The following F13A1 variants were observed in gnomAD, a reference collection of about 807,000 sequenced individuals.
F13A1 encodes coagulation factor XIII A chain, also known as FSF, A subunit.
A neutral mutation model predicts 80.1 loss-of-function variants in F13A1; 47 were observed. The observed-to-expected ratio is 0.59, with a 90% CI of 0.46 to 0.75. F13A1 has a LOEUF of 0.75. Ranked by LOEUF, F13A1 falls within the 30% of genes least tolerant of loss-of-function variation. The pLI is 0.00. For missense variants in F13A1, 817 were observed against 930.4 expected (o/e 0.88, Z 1.59); for synonymous variants, 349 against 344.9 (o/e 1.01, Z -0.13).
At chr6:6,317,970 C>G (rs574735838) in intron 2 of F13A1, among the ~76,000 whole-genome samples, 4 of 152,168 alleles carry the variant, frequency 2.6e-5, no homozygotes, top group African/African-American at 9.7e-5. Flanking sequence ...AGGGATCAGG[C>G]AGAGGCAAGA....
chr6:6,248,795 T>A (rs1757590278), intron 5 of F13A1, among the ~76,000 whole-genome samples: 1 of 152,018 alleles, frequency 6.6e-6, no homozygotes, highest in African/African-American at 2.4e-5. Context: ...CAGGCCAGAG[T>A]CTTAGGACCT....
chr6:6,243,482 T>C lies in F13A1; in HGVS notation c.798+4830A>G, dbSNP rs1409940929. 1.3e-5 allele frequency among the ~76,000 whole-genome samples: 2 copies of C among 152,192 alleles called. No individual in the cohort carries two copies. Among genetic ancestry groups the C allele is most frequent in the East Asian group, 3.9e-4 (2 of 5,190 alleles). On this transcript the variant is annotated intron_variant, in intron 6 of 14. Coordinates refer to ENST00000264870, the MANE Select transcript of F13A1 (RefSeq NM_000129.4). The surrounding 1 kb of genome is among the most constrained non-coding windows in gnomAD (Gnocchi z 4.2). ...TAGAATCCTCTGATTGATACCTTTC[T>C]TCACTTATTCCCCATTTTCAATAAT...
chr6:6,254,543 GT>G (rs1273132236), intron 4 of F13A1, among the ~76,000 whole-genome samples: 3 of 152,032 alleles, frequency 2.0e-5, no homozygotes, highest in Non-Finnish European at 4.4e-5. Context: ...CTCTTTTGTG[GT>G]TTTAAAAAAC....
rs781437954 is a variant in F13A1 at position 6,162,019 on chromosome 6, T to C, written c.1908+5439A>G. Reference sequence around the variant, plus strand: ...ACTCCAGTTCCAAGGCTGAGTTGGGTACTTCCTGGAGAAGACAATGCTTTG... The same window carrying C: ...ACTCCAGTTCCAAGGCTGAGTTGGGCACTTCCTGGAGAAGACAATGCTTTG... On this transcript the variant is annotated intron_variant, in intron 13 of 14. Coordinates refer to ENST00000264870, the MANE Select transcript of F13A1 (RefSeq NM_000129.4). The surrounding 1 kb of genome is among the most constrained non-coding windows in gnomAD (Gnocchi z 4.2). Among the ~76,000 whole-genome samples the C allele has an allele frequency of 1.7e-4, 26 of 152,136 alleles. No homozygotes were observed. Among genetic ancestry groups the C allele is most frequent in the Non-Finnish European group, 3.2e-4 (22 of 68,022 alleles).
chr6:6,185,180 G>A (rs1465143623), intron 10 of F13A1, among the ~76,000 whole-genome samples: 2 of 150,496 alleles, frequency 1.3e-5, no homozygotes, highest in East Asian at 3.9e-4. Flanking sequence ...TGCACATTGT[G>A]CAGGTTAGTT....
chr6:6,185,690 A>G (rs1041204195), intron 10 of F13A1, among the ~76,000 whole-genome samples: 3 of 152,056 alleles, frequency 2.0e-5, no homozygotes, highest in African/African-American at 4.8e-5. Context: ...ATATGTGTGC[A>G]TGTGTCTTTA....
At chr6:6,202,969 C>T (rs1761424207) in intron 8 of F13A1, among the ~76,000 whole-genome samples, 1 of 152,196 alleles carries the variant, frequency 6.6e-6, no homozygotes, top group Admixed American at 6.5e-5. Flanking sequence ...TCAGTAAATC[C>T]ATGTGCTTTG....
chr6:6,190,692 G>GC (rs1158163850), intron 10 of F13A1, among the ~76,000 whole-genome samples: 1 of 151,744 alleles, frequency 6.6e-6, no homozygotes, highest in African/African-American at 2.4e-5. Context: ...TCTGTGCCCT[G>GC]CCCCCAGAGG....
rs1163491784 is a variant in F13A1 at position 6,243,744 on chromosome 6, G to A, written c.798+4568C>T. Among the ~76,000 whole-genome samples, 1 of 152,132 alleles carries A rather than the reference G, an allele frequency of 6.6e-6. No individual in the cohort carries two copies. The highest frequency in any genetic ancestry group is 1.5e-5 in the Non-Finnish European group (1 of 68,016). On this transcript the variant is annotated intron_variant, in intron 6 of 14. Transcript: ENST00000264870. This position sits in a 1 kb window ranked among gnomAD's most constrained non-coding sequence, Gnocchi z 4.2. ...TGCTTCCTCACCCAGAAGACTCTTG[G>A]AGAGTCCTCCCCATTGCACACGCTG... is the stretch of plus-strand genomic sequence containing the variant.
Position 6,145,529 on chromosome 6 carries a change from G to A in F13A1, c.*90C>T, listed in dbSNP as rs190347458. ...GTCCTGTCTGGGTCTTCACACCTAA[G>A]TCAAAGCAAGAGCTATTTTTGCGTT... On this transcript the variant is annotated 3_prime_UTR_variant, in exon 15 of 15. Coordinates refer to ENST00000264870, the MANE Select transcript of F13A1 (RefSeq NM_000129.4). The A allele has an allele frequency of 3.8e-6, 6 of 1,564,714 alleles. No homozygotes were observed. In the African/African-American group the frequency reaches 8.1e-5, roughly 21 times the overall value.
At chr6:6,248,877 C>T (rs994102892) in intron 5 of F13A1, among the ~76,000 whole-genome samples, 1 of 152,228 alleles carries the variant, frequency 6.6e-6, no homozygotes, top group Non-Finnish European at 1.5e-5. Flanking sequence ...AGGTGCTTCA[C>T]ACTACTTAGT....
rs367940377 is a variant in F13A1 at position 6,222,346 on chromosome 6, G to A, written c.974-175C>T. Among the ~76,000 whole-genome samples, 74 of 152,320 alleles carry A rather than the reference G, an allele frequency of 4.9e-4. No individual in the cohort carries two copies. In the South Asian group the frequency reaches 0.015, roughly 31 times the overall value. On this transcript the variant is annotated intron_variant, in intron 7 of 14. Coordinates refer to ENST00000264870, the MANE Select transcript of F13A1 (RefSeq NM_000129.4). ...GGTGGTCATTCAACCCCATGGGGGC[G>A]GTAGAGAGAAATCTTGCTGTGTGAT...
At chr6:6,196,245 G>T (rs766708586) in intron 9 of F13A1, among the ~76,000 whole-genome samples, 19 of 152,226 alleles carry the variant, frequency 1.2e-4, no homozygotes, top group Non-Finnish European at 1.9e-4. Context: ...TTGTGCTGCT[G>T]TTGCTGTTTG....
chr6:6,149,343 C>T (rs1052949649), intron 14 of F13A1, among the ~76,000 whole-genome samples: 22 of 152,236 alleles, frequency 1.4e-4, no homozygotes, highest in African/African-American at 5.3e-4. Context: ...TGTAGAATTA[C>T]AATGTGTCAG....
chr6:6,159,999 G>A lies in F13A1; in HGVS notation c.1908+7459C>T, dbSNP rs1236454662. ...AACAAAAATGTTCTCACTGTTGGCC[G>A]GGCGCAGTGGCTCACGCCTGTAATC... On this transcript the variant is annotated intron_variant, in intron 13 of 14. Coordinates refer to ENST00000264870, the MANE Select transcript of F13A1 (RefSeq NM_000129.4). Among the ~76,000 whole-genome samples the A allele has an allele frequency of 4.0e-5, 6 of 151,876 alleles. No individual in the cohort carries two copies. In the South Asian group the frequency reaches 6.2e-4, roughly 16 times the overall value.
intron 6 of F13A1, among the ~76,000 whole-genome samples, chr6:6,244,825 C>T (rs1186308724): frequency 1.3e-5 from 2 of 152,132 alleles, no homozygotes; most frequent in Admixed American, 6.6e-5. Context: ...TCCAATCCCT[C>T]GACACGAGCT....
rs557100202 is a variant in F13A1, at chr6:6,199,271, C to T, written c.1113-1945G>A. On this transcript the variant is annotated intron_variant, in intron 8 of 14. Transcript: ENST00000264870. The stretch of plus-strand genomic sequence containing the variant: ...TTGGGAGGCCGAGGCGGGCAGATCA[C>T]GAGGTCAGGAGATCGAGACCATCCT... Among the ~76,000 whole-genome samples, 8 of 152,186 alleles carry T rather than the reference C, an allele frequency of 5.3e-5. No homozygotes were observed. In the South Asian group the frequency reaches 6.2e-4, roughly 12 times the overall value.
intron 8 of F13A1, among the ~76,000 whole-genome samples, chr6:6,198,041 A>C (rs1483356195): frequency 6.6e-6 from 1 of 152,256 alleles, no homozygotes. Context: ...TATTTAGAAA[A>C]AGCATATTCC....
intron 6 of F13A1, among the ~76,000 whole-genome samples, chr6:6,246,186 C>T (rs1757553477): frequency 6.6e-6 from 1 of 152,168 alleles, no homozygotes; most frequent in Admixed American, 6.5e-5. Flanking sequence ...TCAGAAATTT[C>T]ATGATAGATT....
Sources: allele counts gnomAD v4.1 joint callset (sites outside exome capture counted in the v4.1 genomes callset), GRCh38; gene constraint gnomAD v4.1.1; non-coding constraint Gnocchi (gnomAD v3.1); transcripts MANE v1.5; gene names NCBI Gene and HGNC (gene_info 2026-07-23, HGNC 2026-07-21).